CACNA1C: variants seen among roughly 807,000 people sequenced by gnomAD.
CACNA1C encodes voltage-dependent L-type calcium channel subunit alpha-1C.
A neutral mutation model predicts 229.0 loss-of-function variants in CACNA1C; 30 were observed. The ratio of observed to expected loss-of-function variants is 0.13; its 90% CI spans 0.10 to 0.18. The LOEUF is 0.18. Ranked by LOEUF, CACNA1C falls within the 10% of genes least tolerant of loss-of-function variation. CACNA1C has a pLI of 1.00. For synonymous variants in CACNA1C, 1,114 were observed against 1,132.5 expected, an observed-to-expected ratio of 0.98 and a Z score of 0.33; for missense variants, 1,658 against 2,845.0, an observed-to-expected ratio of 0.58 and a Z score of 9.49.
chr12:2,164,493 G>T (rs918838218), intron 3 of CACNA1C, among the ~76,000 whole-genome samples: 5 of 151,994 alleles, frequency 3.3e-5, no homozygotes, highest in African/African-American at 9.7e-5. Context: ...ACTAATTGTA[G>T]ACTAAGCCGA....
At chr12:2,582,298 C>G (rs2060814562) in intron 14 of CACNA1C, among the ~76,000 whole-genome samples, 1 of 152,136 alleles carries the variant, frequency 6.6e-6, no homozygotes, top group African/African-American at 2.4e-5. Context: ...AAAAATATTA[C>G]TAGCCCATCA....
chr12:2,259,289 T>C (rs1240318190), intron 3 of CACNA1C, among the ~76,000 whole-genome samples: 1 of 152,232 alleles, frequency 6.6e-6, no homozygotes, highest in African/African-American at 2.4e-5. Flanking sequence ...CACCAGGTTT[T>C]TGTGATGTAT....
intron 3 of CACNA1C, among the ~76,000 whole-genome samples, chr12:2,388,594 G>C (rs1007717901): frequency 1.3e-5 from 2 of 152,212 alleles, no homozygotes; most frequent in Non-Finnish European, 2.9e-5. Context: ...TGTGGAGTTT[G>C]CAGTGCCTAT....
intron 3 of CACNA1C, among the ~76,000 whole-genome samples, chr12:2,219,171 G>A (rs144161235): frequency 4.6e-5 from 7 of 152,330 alleles, no homozygotes; most frequent in Non-Finnish European, 8.8e-5. Flanking sequence ...GCTGCTGGAC[G>A]CTTCTCTCCC....
At chr12:2,541,466 G>A (rs1044304073) in intron 9 of CACNA1C, among the ~76,000 whole-genome samples, 13 of 152,162 alleles carry the variant, frequency 8.5e-5, no homozygotes, top group East Asian at 5.8e-4. Context: ...CTGGAGTGCC[G>A]GGAAGCCTGG....
rs1462446981 is a variant in CACNA1C at position 1,995,309 on chromosome 12, TTG to T, written c.139+24111_139+24112del. ...CTTCTCCAAAGAATCATAATGCGTG[TTG>T]TGAGAGATGAGTGAGAACGCACCCT... is the stretch of plus-strand genomic sequence containing the variant. On this transcript the variant is annotated intron_variant, in intron 1 of 46. Transcript: ENST00000682462. 2.0e-5 allele frequency among the ~76,000 whole-genome samples: 3 copies of T among 152,244 alleles called. No individual in the cohort carries two copies. In the East Asian group the frequency reaches 5.8e-4, roughly 29 times the overall value.
In CACNA1C at chr12:2,597,639, C is replaced by G; in HGVS notation, c.2853+350C>G. ...TGAAATTGGAAAAATGAGTGCCCCT[C>G]ACTTTGTGTGATGCACTTTGCCCAG... On this transcript the variant is annotated intron_variant, in intron 21 of 46. Coordinates refer to ENST00000399655, the MANE Select transcript of CACNA1C (RefSeq NM_000719.7). The surrounding 1 kb of genome is among the most constrained non-coding windows in gnomAD (Gnocchi z 4.3). 1.4e-6 allele frequency: 1 copy of G among 700,176 alleles called. No individual in the cohort carries two copies. The highest frequency in any genetic ancestry group is 1.7e-5 in the South Asian group (1 of 59,582). The allele number at this position is 700,176 out of a possible 1,614,324, so 43.4% of individuals were successfully genotyped here. A position where few individuals can be genotyped will look rare whatever the true frequency, so the allele number is the denominator to read the frequency against.
rs2078395626 is a variant in CACNA1C at position 2,106,132 on chromosome 12, T to G, written c.50-9092T>G. Among the ~76,000 whole-genome samples, 2 of 51,896 alleles carry G rather than the reference T, an allele frequency of 3.9e-5. 1 individual carries two copies. The highest frequency in any genetic ancestry group is 1.5e-3 in the South Asian group (2 of 1,296). 34.0% of individuals were successfully genotyped at this position (51,896 alleles called of 152,430 possible). A position where few individuals can be genotyped will look rare whatever the true frequency, so the allele number is the denominator to read the frequency against. ...GCCCACCCTGGAGAGGGTTTCCACC[T>G]GAGCTGGGCGTCCTGAAGCCACTGG... is the stretch of plus-strand genomic sequence containing the variant. On this transcript the variant is annotated intron_variant, in intron 1 of 46. Coordinates refer to ENST00000399655, the MANE Select transcript of CACNA1C (RefSeq NM_000719.7).
At position 2,666,835 on chromosome 12, in the gene CACNA1C, T is replaced by G; in HGVS notation, c.4623+53T>G. 1.9e-6 allele frequency: 2 copies of G among 1,051,310 alleles called. No homozygotes were observed. The highest frequency in any genetic ancestry group is 2.9e-6 in the Non-Finnish European group (2 of 692,392). 65.1% of individuals were successfully genotyped at this position (1,051,310 alleles called of 1,614,324 possible). On this transcript the variant is annotated intron_variant, in intron 37 of 46. Transcript: ENST00000399655. The surrounding 1 kb of genome is among the most constrained non-coding windows in gnomAD (Gnocchi z 5.3). ...GAGAGGGAAAATAGGGGAAGTGAAG[T>G]GCCCATTTCTTGTGATCCTTTAAGG...
chr12:2,001,119 T>C (rs2042112078), intron 1 of CACNA1C, among the ~76,000 whole-genome samples: 1 of 152,126 alleles, frequency 6.6e-6, no homozygotes, highest in Non-Finnish European at 1.5e-5. Context: ...CTATGACACC[T>C]GGATAAAAGA....
intron 3 of CACNA1C, among the ~76,000 whole-genome samples, chr12:2,257,515 G>T (rs553765457): frequency 2.0e-5 from 3 of 152,226 alleles, no homozygotes; most frequent in Non-Finnish European, 4.4e-5. Context: ...AATAGGGTTT[G>T]CTCCCATGAG....
At chr12:2,004,690 C>CCAAGAGCTGTTTTT in intron 1 of CACNA1C, 1 of 505,042 alleles carries the variant, frequency 2.0e-6, no homozygotes, top group Non-Finnish European at 3.5e-6. Flanking sequence ...GTTTCTTTCT[C>CCAAGAGCTGTTTTT]CAAGAGCTGT....
At chr12:2,283,779 A>G (rs1450834722) in intron 3 of CACNA1C, among the ~76,000 whole-genome samples, 1 of 152,198 alleles carries the variant, frequency 6.6e-6, no homozygotes, top group African/African-American at 2.4e-5. Flanking sequence ...CCTGGGCCCC[A>G]CTTTCAATAG....
chr12:2,472,326 C>G (rs1157352698), intron 5 of CACNA1C, among the ~76,000 whole-genome samples: 2 of 152,096 alleles, frequency 1.3e-5, no homozygotes, highest in Non-Finnish European at 2.9e-5. Flanking sequence ...TCTCTGTGTT[C>G]CACAGATCAG....
At chr12:2,327,373 GCTGACTGAGCAAGTGGTTGATTAGGTTGC>G (rs2096359716) in intron 3 of CACNA1C, among the ~76,000 whole-genome samples, 1 of 152,208 alleles carries the variant, frequency 6.6e-6, no homozygotes, top group African/African-American at 2.4e-5. Flanking sequence ...CAAACACTTA[GCTGACTGAGCAAGTGGTTGATTAGGTTGC>G]CTATCCTCCC....
chr12:2,016,258 A>G (rs1004604258), intron 1 of CACNA1C, among the ~76,000 whole-genome samples: 2 of 151,860 alleles, frequency 1.3e-5, no homozygotes, highest in African/African-American at 4.9e-5. Flanking sequence ...TCAGGTCCCG[A>G]GTACTGTCAA....
intron 7 of CACNA1C, among the ~76,000 whole-genome samples, chr12:2,499,552 T>A (rs1286174991): frequency 1.3e-5 from 2 of 152,186 alleles, no homozygotes; most frequent in African/African-American, 4.8e-5. Context: ...GGGGTTCCCT[T>A]CAAGGAATTA....
At chr12:2,257,589 C>T (rs539505793) in intron 3 of CACNA1C, among the ~76,000 whole-genome samples, 2 of 152,330 alleles carry the variant, frequency 1.3e-5, no homozygotes, top group South Asian at 2.1e-4. Flanking sequence ...GCTTGCCCAC[C>T]GCTCATCTCC....
chr12:2,379,814 G>A (rs1024707978), intron 3 of CACNA1C, among the ~76,000 whole-genome samples: 1 of 151,562 alleles, frequency 6.6e-6, no homozygotes, highest in East Asian at 1.9e-4. Flanking sequence ...GGCGGATCAC[G>A]AGGTCAGGAG....
Sources: allele counts gnomAD v4.1 joint callset (sites outside exome capture counted in the v4.1 genomes callset), GRCh38; gene constraint gnomAD v4.1.1; non-coding constraint Gnocchi (gnomAD v3.1); transcripts MANE v1.5; gene names NCBI Gene and HGNC (gene_info 2026-07-23, HGNC 2026-07-21).